The following MAPK10 variants were observed in gnomAD, a reference collection of about 807,000 sequenced individuals.
MAPK10 encodes JNK3 alpha protein kinase.
Under a neutral mutation model 59.3 loss-of-function variants are expected in MAPK10, and 25 were observed. The observed-to-expected ratio is 0.42, with a 90% CI of 0.31 to 0.59. The LOEUF (loss-of-function observed/expected upper bound fraction) is 0.59. Ranked by LOEUF, MAPK10 falls within the 20% of genes least tolerant of loss-of-function variation. The pLI, the probability that MAPK10 is intolerant of heterozygous loss-of-function variation, is 0.15. For missense variants in MAPK10, 351 were observed against 568.9 expected (o/e 0.62, Z 3.90); for synonymous variants, 190 against 200.5 (o/e 0.95, Z 0.44).
At chr4:86,093,343 C>T (rs940019289) in intron 9 of MAPK10, among the ~76,000 whole-genome samples, 2 of 151,896 alleles carry the variant, frequency 1.3e-5, no homozygotes, top group Non-Finnish European at 2.9e-5. Flanking sequence ...CAAATTTTCT[C>T]TCAATGAATG....
At chr4:86,077,441 G>A (rs112404706) in intron 9 of MAPK10, among the ~76,000 whole-genome samples, 14 of 152,200 alleles carry the variant, frequency 9.2e-5, no homozygotes, top group East Asian at 1.9e-4. Context: ...CCTTTTCTGC[G>A]TATTGTGGGT....
At chr4:86,506,968 C>T (rs780188439) in intron 1 of MAPK10, among the ~76,000 whole-genome samples, 2 of 151,980 alleles carry the variant, frequency 1.3e-5, no homozygotes, top group Admixed American at 6.6e-5. Context: ...TATATATATG[C>T]TTGAGGCTAT....
At chr4:86,214,521 A>G (rs1321030403) in intron 2 of MAPK10, among the ~76,000 whole-genome samples, 1 of 149,204 alleles carries the variant, frequency 6.7e-6, no homozygotes, top group Non-Finnish European at 1.5e-5. Flanking sequence ...TAAAAAAAAA[A>G]AAAAAAAAAA....
chr4:86,127,033 T>C (rs1260847101), intron 4 of MAPK10, among the ~76,000 whole-genome samples: 1 of 152,008 alleles, frequency 6.6e-6, no homozygotes, highest in Non-Finnish European at 1.5e-5. Flanking sequence ...CCATACCTCA[T>C]CATCCTCATA....
intron 2 of MAPK10, among the ~76,000 whole-genome samples, chr4:86,288,509 C>G (rs2095107331): frequency 6.6e-6 from 1 of 151,914 alleles, no homozygotes; most frequent in Non-Finnish European, 1.5e-5. Context: ...TGTATTGTAT[C>G]CAGGACAAGG....
At chr4:86,363,966 G>C (rs1352384269), upstream of MAPK10, among the ~76,000 whole-genome samples, 1 of 152,014 alleles carries the variant, frequency 6.6e-6, no homozygotes, top group Admixed American at 6.6e-5. Flanking sequence ...ATTTTTAGCA[G>C]AGATGAGGTC....
intron 4 of MAPK10, among the ~76,000 whole-genome samples, chr4:86,134,870 C>A (rs988039643): frequency 6.6e-6 from 1 of 152,014 alleles, no homozygotes; most frequent in Non-Finnish European, 1.5e-5. Context: ...TTGCCTCACT[C>A]GGGAAGTGCA....
rs542961458 is a variant in MAPK10, at chr4:86,017,792, G to A, written c.1253-422C>T. ...GGCTGGAGTGCAGCGGCACAATCTC[G>A]GCTCACTGCAACCTCTGCCTCCCAG... On this transcript the variant is annotated intron_variant, in intron 13 of 13. Coordinates refer to ENST00000641462, the MANE Select transcript of MAPK10 (RefSeq NM_138982.4). This position sits in a 1 kb window ranked among gnomAD's most constrained non-coding sequence, Gnocchi z 4.4. Among the ~76,000 whole-genome samples, 4 of 152,148 alleles carry A rather than the reference G, an allele frequency of 2.6e-5. No individual in the cohort carries two copies. The highest frequency in any genetic ancestry group is 7.2e-5 in the African/African-American group (3 of 41,498).
chr4:86,422,182 A>G (rs1746621679), intron 1 of MAPK10, among the ~76,000 whole-genome samples: 2 of 152,182 alleles, frequency 1.3e-5, no homozygotes, highest in South Asian at 4.1e-4. Flanking sequence ...TTAGAATGTC[A>G]GCACTTAAGG....
intron 1 of MAPK10, among the ~76,000 whole-genome samples, chr4:86,534,756 A>C (rs1364807977): frequency 6.6e-6 from 1 of 151,994 alleles, no homozygotes; most frequent in Non-Finnish European, 1.5e-5. Context: ...AAATACAAAA[A>C]TTAGCCAAGC....
At chr4:86,384,392 A>C (rs929099203) in intron 1 of MAPK10, among the ~76,000 whole-genome samples, 1 of 152,182 alleles carries the variant, frequency 6.6e-6, no homozygotes, top group Non-Finnish European at 1.5e-5. Flanking sequence ...AACAGCAAGA[A>C]GGCCAGCGAT....
intron 1 of MAPK10, among the ~76,000 whole-genome samples, chr4:86,471,273 T>G (rs79592504): frequency 7.9e-5 from 9 of 113,326 alleles, no homozygotes; most frequent in Non-Finnish European, 1.2e-4. Flanking sequence ...TGTGCCCCCC[T>G]GCAAAAAAAA....
At chr4:86,189,395 T>G (rs1017484814) in intron 3 of MAPK10, among the ~76,000 whole-genome samples, 7 of 152,218 alleles carry the variant, frequency 4.6e-5, no homozygotes, top group Non-Finnish European at 7.3e-5. Flanking sequence ...GTTTTGTTTT[T>G]CCATTTATTT....
chr4:86,183,849 G>A (rs2149290006), intron 3 of MAPK10, among the ~76,000 whole-genome samples: 1 of 152,290 alleles, frequency 6.6e-6, no homozygotes, highest in South Asian at 2.1e-4. Context: ...GTGTGAGACA[G>A]TATCTCATTG....
intron 2 of MAPK10, among the ~76,000 whole-genome samples, chr4:86,309,027 TC>T (rs1421048133): frequency 3.3e-5 from 5 of 152,122 alleles, no homozygotes; most frequent in African/African-American, 4.8e-5. Context: ...ATTATCACAC[TC>T]ATCAATAACA....
At chr4:86,226,240 C>A (rs2090587445) in intron 2 of MAPK10, among the ~76,000 whole-genome samples, 1 of 152,188 alleles carries the variant, frequency 6.6e-6, no homozygotes, top group Non-Finnish European at 1.5e-5. Flanking sequence ...GCTCACAGGA[C>A]AACTAAGCCA....
At chr4:86,160,517 G>C (rs974984090) in intron 3 of MAPK10, 1 of 151,992 alleles carries the variant, frequency 6.6e-6, no homozygotes, top group Non-Finnish European at 1.5e-5. Context: ...ACCCATTTGG[G>C]GCATTTAGGA....
At chr4:86,385,927 AC>A (rs1741391372) in intron 1 of MAPK10, among the ~76,000 whole-genome samples, 1 of 152,168 alleles carries the variant, frequency 6.6e-6, no homozygotes, top group South Asian at 2.1e-4. Context: ...CAGAAAGAAA[AC>A]CCTAGTACTG....
At chr4:86,439,670 C>T (rs987096471) in intron 1 of MAPK10, among the ~76,000 whole-genome samples, 7 of 152,152 alleles carry the variant, frequency 4.6e-5, no homozygotes, top group African/African-American at 7.2e-5. Context: ...AACTGTCAGA[C>T]GGTTTTTGAA....
Sources: gnomAD v4.1 joint callset for allele counts (sites outside exome capture counted in the v4.1 genomes callset) on GRCh38, gnomAD v4.1.1 for gene constraint, Gnocchi (gnomAD v3.1) non-coding constraint, MANE v1.5 for transcripts, NCBI Gene and HGNC (gene_info 2026-07-23, HGNC 2026-07-21) for gene names.